The following NKAIN2 variants were observed in gnomAD, a reference collection of about 807,000 sequenced individuals.
The protein encoded by NKAIN2 is sodium/potassium-transporting ATPase subunit beta-1-interacting protein 2.
NKAIN2 carries 14 observed loss-of-function variants against 32.6 expected under a neutral mutation model. The ratio of observed to expected loss-of-function variants is 0.43; its 90% CI spans 0.28 to 0.67. The LOEUF is 0.67. Ranked by LOEUF, NKAIN2 falls within the 30% of genes least tolerant of loss-of-function variation. The pLI is 0.17. For synonymous variants in NKAIN2, 80 were observed against 87.2 expected (o/e 0.92, Z 0.46); for missense variants, 198 against 258.3 (o/e 0.77, Z 1.60).
intron 2 of NKAIN2, among the ~76,000 whole-genome samples, chr6:124,335,192 T>C (rs908620716): frequency 1.3e-5 from 2 of 152,158 alleles, no homozygotes; most frequent in Non-Finnish European, 2.9e-5. Context: ...AATTGGGAAG[T>C]TGTATTGTAG....
chr6:124,492,422 A>C (rs143657040), intron 3 of NKAIN2, among the ~76,000 whole-genome samples: 17 of 152,076 alleles, frequency 1.1e-4, no homozygotes, highest in Admixed American at 2.6e-4. Flanking sequence ...TAAATGTTAG[A>C]TAAAATCTTC....
intron 4 of NKAIN2, among the ~76,000 whole-genome samples, chr6:124,662,696 C>T (rs999078497): frequency 1.3e-5 from 2 of 152,196 alleles, no homozygotes; most frequent in African/African-American, 4.8e-5. Flanking sequence ...AACTTTGAAA[C>T]TCTTTATCCA....
chr6:124,016,060 A>G (rs560825531), intron 1 of NKAIN2, among the ~76,000 whole-genome samples: 175 of 152,100 alleles, frequency 1.2e-3, no homozygotes, highest in Non-Finnish European at 2.0e-3. Context: ...ATCATTTCCA[A>G]TTTTTATACT....
At chr6:124,662,530 T>A (rs556656926) in intron 4 of NKAIN2, among the ~76,000 whole-genome samples, 3 of 152,318 alleles carry the variant, frequency 2.0e-5, no homozygotes, top group Non-Finnish European at 2.9e-5. Context: ...ATGGTAAAAA[T>A]TATTTTTCAA....
chr6:124,531,440 C>T (rs2114821591), intron 3 of NKAIN2, among the ~76,000 whole-genome samples: 1 of 152,220 alleles, frequency 6.6e-6, no homozygotes, highest in African/African-American at 2.4e-5. Context: ...CTATTTAATT[C>T]AGTTTGGTAA....
intron 3 of NKAIN2, among the ~76,000 whole-genome samples, chr6:124,427,770 T>A (rs901223489): frequency 6.6e-6 from 1 of 152,162 alleles, no homozygotes; most frequent in Non-Finnish European, 1.5e-5. Context: ...TCACTGGTCT[T>A]ATAGACCACA....
intron 1 of NKAIN2, among the ~76,000 whole-genome samples, chr6:123,848,416 T>G (rs1173714940): frequency 6.6e-6 from 1 of 152,168 alleles, no homozygotes; most frequent in Admixed American, 6.6e-5. Flanking sequence ...AGGAGGTAAT[T>G]GAATAATGGA....
chr6:124,603,293 A>C (rs1023749868), intron 3 of NKAIN2, among the ~76,000 whole-genome samples: 3 of 151,962 alleles, frequency 2.0e-5, no homozygotes, highest in African/African-American at 7.2e-5. Context: ...TTTTAAAGTA[A>C]AATCATCAAA....
chr6:123,906,871 C>A (rs981616810), intron 1 of NKAIN2, among the ~76,000 whole-genome samples: 1 of 152,158 alleles, frequency 6.6e-6, no homozygotes, highest in African/African-American at 2.4e-5. Context: ...GTTAAATAAG[C>A]ATTCTAGTAA....
chr6:124,023,388 A>G (rs931164385), intron 1 of NKAIN2, among the ~76,000 whole-genome samples: 3 of 151,896 alleles, frequency 2.0e-5, no homozygotes, highest in Non-Finnish European at 4.4e-5. Flanking sequence ...CTTTGTTTTC[A>G]TACAGCCTAT....
chr6:124,376,445 T>C (rs546563323), intron 3 of NKAIN2, among the ~76,000 whole-genome samples: 5 of 152,144 alleles, frequency 3.3e-5, no homozygotes, highest in African/African-American at 1.2e-4. Flanking sequence ...AAAAATCTCA[T>C]AGTGTGAAAT....
chr6:123,976,380 T>TTCCC (rs1213344172), intron 1 of NKAIN2, among the ~76,000 whole-genome samples: 1 of 30,994 alleles, frequency 3.2e-5, no homozygotes, highest in Non-Finnish European at 6.4e-5. Context: ...CCCATATATA[T>TTCCC]ATATATATAT....
chr6:124,639,375 C>A (rs948107399), intron 3 of NKAIN2, among the ~76,000 whole-genome samples: 1 of 152,128 alleles, frequency 6.6e-6, no homozygotes, highest in Admixed American at 6.5e-5. Flanking sequence ...GCTGGGAGTG[C>A]GATGGCTCAT....
intron 3 of NKAIN2, among the ~76,000 whole-genome samples, chr6:124,369,115 G>A (rs1424034540): frequency 6.6e-6 from 1 of 152,082 alleles, no homozygotes; most frequent in Non-Finnish European, 1.5e-5. Flanking sequence ...ATAGTATCCT[G>A]CTGGAAATAA....
intron 4 of NKAIN2, among the ~76,000 whole-genome samples, chr6:124,687,243 T>C (rs1331048260): frequency 1.4e-5 from 2 of 145,156 alleles, no homozygotes; most frequent in African/African-American, 5.0e-5. Context: ...AGAGAGAATA[T>C]ATATATTACC....
intron 3 of NKAIN2, among the ~76,000 whole-genome samples, chr6:124,501,285 T>G (rs2114748647): frequency 6.6e-6 from 1 of 152,202 alleles, no homozygotes; most frequent in South Asian, 2.1e-4. Context: ...TCTCTGACAG[T>G]TTTTTCATTC....
intron 4 of NKAIN2, among the ~76,000 whole-genome samples, chr6:124,709,572 G>GT (rs1554255088): frequency 6.7e-6 from 1 of 150,008 alleles, no homozygotes; most frequent in Non-Finnish European, 1.5e-5. Flanking sequence ...TCTTGGGAGA[G>GT]TGTATGTGTT....
At chr6:124,540,375 A>G (rs1467120499) in intron 3 of NKAIN2, among the ~76,000 whole-genome samples, 1 of 152,234 alleles carries the variant, frequency 6.6e-6, no homozygotes, top group East Asian at 1.9e-4. Context: ...TTATCTTTAA[A>G]AACAGTTTTC....
chr6:123,927,579 G>A (rs769480550), intron 1 of NKAIN2, among the ~76,000 whole-genome samples: 32 of 152,308 alleles, frequency 2.1e-4, no homozygotes, highest in Admixed American at 5.9e-4. Flanking sequence ...TATAACTTAA[G>A]TTGTTTTAAC....
Sources: gnomAD v4.1 joint callset for allele counts (sites outside exome capture counted in the v4.1 genomes callset) on GRCh38, gnomAD v4.1.1 for gene constraint, MANE v1.5 for transcripts, NCBI Gene and HGNC (gene_info 2026-07-23, HGNC 2026-07-21) for gene names.